The following GALNT2 variants were observed in gnomAD, a reference collection of about 807,000 sequenced individuals.
GALNT2 encodes the protein polypeptide N-acetylgalactosaminyltransferase 2.
A neutral mutation model predicts 81.4 loss-of-function variants in GALNT2; 31 were observed. That is an observed-to-expected ratio of 0.38 (90% CI 0.29 to 0.51). The LOEUF (loss-of-function observed/expected upper bound fraction) is 0.51, where lower values mean the gene tolerates loss of function less well. Among genes scored for constraint, GALNT2 ranks in the 20% least tolerant of loss-of-function variants. GALNT2 has a pLI of 0.87. For synonymous variants in GALNT2, 303 were observed against 287.4 expected, an observed-to-expected ratio of 1.05 and a Z score of -0.55; for missense variants, 629 against 765.7, an observed-to-expected ratio of 0.82 and a Z score of 2.11.
At chr1:230,268,644 C>A (rs1295613081) in intron 14 of GALNT2, among the ~76,000 whole-genome samples, 1 of 152,186 alleles carries the variant, frequency 6.6e-6, no homozygotes, top group Non-Finnish European at 1.5e-5. Context: ...GCCAGCATTG[C>A]ACCTTAATTA....
intron 3 of GALNT2, among the ~76,000 whole-genome samples, chr1:230,227,791 A>G (rs553440961): frequency 1.3e-5 from 2 of 152,322 alleles, no homozygotes; most frequent in African/African-American, 4.8e-5. Flanking sequence ...AATGATAAAA[A>G]TCTGCTTGTG....
chr1:230,240,973 C>A (rs1665182805), intron 6 of GALNT2, among the ~76,000 whole-genome samples: 1 of 152,180 alleles, frequency 6.6e-6, no homozygotes, highest in African/African-American at 2.4e-5. Context: ...ATTCTGCCAT[C>A]TCCATTTTGC....
chr1:230,059,899 C>T (rs1659004288), intron 1 of GALNT2, among the ~76,000 whole-genome samples: 1 of 152,094 alleles, frequency 6.6e-6, no homozygotes, highest in Non-Finnish European at 1.5e-5. Context: ...ATCATATTTC[C>T]TAACATTCTT....
intron 1 of GALNT2, among the ~76,000 whole-genome samples, chr1:230,098,380 G>A (rs1014119905): frequency 6.6e-6 from 1 of 151,954 alleles, no homozygotes; most frequent in African/African-American, 2.4e-5. Context: ...GCAGAGATTT[G>A]CTATATCCAT....
chr1:230,252,964 A>C (rs1367736824), intron 10 of GALNT2, among the ~76,000 whole-genome samples: 3 of 146,438 alleles, frequency 2.0e-5, no homozygotes, highest in African/African-American at 7.7e-5. Flanking sequence ...CTCCTGCCTC[A>C]GCCTCCCAAG....
At chr1:230,245,784 A>G (rs1665349483) in intron 7 of GALNT2, among the ~76,000 whole-genome samples, 1 of 152,192 alleles carries the variant, frequency 6.6e-6, no homozygotes, top group Non-Finnish European at 1.5e-5. Context: ...TACCTGTCCC[A>G]TAACCATGGG....
chr1:230,075,520 G>A (rs1027336544), intron 1 of GALNT2, among the ~76,000 whole-genome samples: 5 of 152,184 alleles, frequency 3.3e-5, no homozygotes, highest in Non-Finnish European at 7.3e-5. Context: ...CTGCCCCTCC[G>A]GAAGGAGCAG....
chr1:230,250,032 G>A (rs536042045), intron 9 of GALNT2, among the ~76,000 whole-genome samples: 3 of 152,314 alleles, frequency 2.0e-5, no homozygotes, highest in Non-Finnish European at 4.4e-5. Context: ...GTGATAATGA[G>A]AGCTGGTGCT....
intron 2 of GALNT2, among the ~76,000 whole-genome samples, chr1:230,187,002 G>A (rs1227079760): frequency 2.6e-5 from 4 of 152,218 alleles, no homozygotes; most frequent in Admixed American, 6.5e-5. Flanking sequence ...GCAAGAAACC[G>A]CTGGCCATGG....
intron 1 of GALNT2, among the ~76,000 whole-genome samples, chr1:230,154,825 C>T (rs766357279): frequency 7.9e-5 from 12 of 152,198 alleles, no homozygotes; most frequent in Non-Finnish European, 1.8e-4. Flanking sequence ...TTCCTGAAGC[C>T]TCCCAGTTTG....
At chr1:230,220,283 T>C (rs1016526543) in intron 3 of GALNT2, among the ~76,000 whole-genome samples, 1 of 33,074 alleles carries the variant, frequency 3.0e-5, no homozygotes, top group East Asian at 0.014. Flanking sequence ...GTGTTTTTGT[T>C]TTTTTTTTTA....
intron 2 of GALNT2, among the ~76,000 whole-genome samples, chr1:230,196,704 G>A (rs532941215): frequency 6.0e-4 from 92 of 152,226 alleles, no homozygotes; most frequent in African/African-American, 2.0e-3. Context: ...GGCAGGCCCC[G>A]CTTCTCCTCA....
chr1:230,268,965 C>G (rs558533853), intron 14 of GALNT2, among the ~76,000 whole-genome samples: 1 of 152,138 alleles, frequency 6.6e-6, no homozygotes, highest in Non-Finnish European at 1.5e-5. Flanking sequence ...TGAACAAGAT[C>G]GGGTCTGCAG....
At chr1:230,171,470 A>G (rs1186914639) in intron 1 of GALNT2, among the ~76,000 whole-genome samples, 4 of 152,228 alleles carry the variant, frequency 2.6e-5, no homozygotes, top group African/African-American at 9.6e-5. Flanking sequence ...AAACTAGACA[A>G]CTGATTAGAA....
At chr1:230,112,614 C>T (rs1027481967) in intron 1 of GALNT2, among the ~76,000 whole-genome samples, 1 of 152,144 alleles carries the variant, frequency 6.6e-6, no homozygotes, top group East Asian at 1.9e-4. Flanking sequence ...GTGATTCGTT[C>T]TTTTCCAAGT....
chr1:230,073,041 G>A (rs141887538), intron 1 of GALNT2, among the ~76,000 whole-genome samples: 280 of 152,316 alleles, frequency 1.8e-3, no homozygotes, highest in South Asian at 0.014. Flanking sequence ...ACTGCCTTAT[G>A]GGTGAGGTGT....
At chr1:230,059,579 G>A (rs1005018423) in intron 1 of GALNT2, among the ~76,000 whole-genome samples, 3 of 152,292 alleles carry the variant, frequency 2.0e-5, no homozygotes, top group East Asian at 1.9e-4. Flanking sequence ...AGACGCTTGG[G>A]CTGTGGGGTT....
intron 15 of GALNT2, among the ~76,000 whole-genome samples, chr1:230,276,032 T>TAC (rs1283498141): frequency 6.3e-5 from 4 of 63,538 alleles, no homozygotes; most frequent in African/African-American, 3.3e-4. Flanking sequence ...GCCACATATA[T>TAC]ATACGTATAT....
intron 2 of GALNT2, among the ~76,000 whole-genome samples, chr1:230,182,888 A>G (rs1053543031): frequency 3.9e-5 from 6 of 152,166 alleles, no homozygotes; most frequent in African/African-American, 7.2e-5. Flanking sequence ...TCTATCTATC[A>G]TGAACTGCAT....
Sources: allele counts gnomAD v4.1 joint callset (sites outside exome capture counted in the v4.1 genomes callset), GRCh38; gene constraint gnomAD v4.1.1; transcripts MANE v1.5; gene names NCBI Gene and HGNC (gene_info 2026-07-23, HGNC 2026-07-21).